Variants in TPO observed in about 807,000 individuals in gnomAD.
The protein encoded by TPO is thyroid peroxidase, also known as thyroid microsomal antigen.
A neutral mutation model predicts 96.9 loss-of-function variants in TPO; 78 were observed. The observed-to-expected ratio is 0.81, with a 90% confidence interval of 0.67 to 0.97. The LOEUF is 0.97. Among genes scored for constraint, TPO ranks in the 50% least tolerant of loss-of-function variants. TPO has a pLI of 0.00. For missense variants in TPO, 1,252 were observed against 1,274.8 expected (o/e 0.98, Z 0.27); for synonymous variants, 547 against 538.0 (o/e 1.02, Z -0.23).
At chr2:1,459,950 T>A (rs369755168) in intron 7 of TPO, among the ~76,000 whole-genome samples, 1 of 148,354 alleles carries the variant, frequency 6.7e-6, no homozygotes, top group Non-Finnish European at 1.5e-5. Context: ...TTCTTTCTTT[T>A]TTTTTTTTTT....
intron 7 of TPO, among the ~76,000 whole-genome samples, chr2:1,471,929 C>A (rs1382513454): frequency 6.7e-6 from 1 of 150,134 alleles, no homozygotes; most frequent in Non-Finnish European, 1.5e-5. Context: ...TGTGCCCTTC[C>A]CATGATCTGA....
chr2:1,534,527 ACTCTGTGCAACCTCCCCAAATCCCTAC>A lies in TPO; in HGVS notation c.2619-6065_2619-6039del, dbSNP rs1326753916. ...TGTGCAACTTCCCCAAATCCCTCCC[ACTCTGTGCAACCTCCCCAAATCCCTAC>A]CACTCTGTGCAACTTCCCCAAATCC... is the stretch of plus-strand genomic sequence containing the variant. On this transcript the variant is annotated intron_variant, in intron 15 of 16. Transcript: ENST00000329066. 6.2e-3 allele frequency among the ~76,000 whole-genome samples: 420 copies of A among 67,824 alleles called. 1 individual carries two copies. Among genetic ancestry groups the A allele is most frequent in the Middle Eastern group, 0.011 (1 of 88 alleles). 44.5% of individuals were successfully genotyped at this position (67,824 alleles called of 152,430 possible).
At chr2:1,509,414 C>G (rs184474703) in intron 14 of TPO, among the ~76,000 whole-genome samples, 2 of 150,592 alleles carry the variant, frequency 1.3e-5, no homozygotes, top group Non-Finnish European at 2.9e-5. Flanking sequence ...TTCAGGGACA[C>G]CACACCCTCT....
In TPO at chr2:1,432,742, G is replaced by T. The variant is rs547435138; in HGVS notation, c.180-696G>T. On this transcript the variant is annotated intron_variant, in intron 3 of 16. Coordinates refer to ENST00000329066, the MANE Select transcript of TPO (RefSeq NM_001206744.2). ...GGTAAGGAGAGGCCTGCAGGTGAGGGGAGGCCTGCAGGTGAGGAGAGGCCT... is the reference window on the plus strand; with the variant it reads ...GGTAAGGAGAGGCCTGCAGGTGAGGTGAGGCCTGCAGGTGAGGAGAGGCCT... Among the ~76,000 whole-genome samples, 2 of 108,346 alleles carry T rather than the reference G, an allele frequency of 1.8e-5. 1 individual carries two copies. The highest frequency in any genetic ancestry group is 3.6e-5 in the Non-Finnish European group (2 of 55,032). The allele number at this position is 108,346 out of a possible 152,430, so 71.1% of individuals were successfully genotyped here.
At position 1,540,684 on chromosome 2, in the gene TPO, G is replaced by C; in HGVS notation, c.2709G>C (p.Gly903=). 1 of 1,613,304 alleles carries C rather than the reference G, an allele frequency of 6.2e-7. No homozygotes were observed. Among genetic ancestry groups the C allele is most frequent in the Non-Finnish European group, 8.5e-7 (1 of 1,180,052 alleles). The part of the protein sequence containing the change: ...ELRCGKHQAV[G]TSPQRAAAQD... ...GATGCGGAAAGCACCAGGCCGTAGGGACCTCACCGCAGCGGGCCGCAGCTC... is the reference window on the plus strand; with the variant it reads ...GATGCGGAAAGCACCAGGCCGTAGGCACCTCACCGCAGCGGGCCGCAGCTC... The change falls in exon 16 of 17, where the codon GGG becomes GGC. Residue 903 remains glycine, a synonymous_variant. Coordinates refer to ENST00000329066, the MANE Select transcript of TPO (RefSeq NM_001206744.2).
At chr2:1,389,315 T>A (rs1661960819) in intron 1 of TPO, among the ~76,000 whole-genome samples, 1 of 152,168 alleles carries the variant, frequency 6.6e-6, no homozygotes, top group Non-Finnish European at 1.5e-5. Context: ...TTATTGATTT[T>A]CAGGACATTC....
At chr2:1,435,311 C>T (rs1241332144) in intron 4 of TPO, among the ~76,000 whole-genome samples, 1 of 152,196 alleles carries the variant, frequency 6.6e-6, no homozygotes, top group Non-Finnish European at 1.5e-5. Flanking sequence ...AGAATCTGTG[C>T]TCAGCTTTTT....
At chr2:1,448,893 C>T (rs1434367732) in intron 5 of TPO, among the ~76,000 whole-genome samples, 2 of 152,164 alleles carry the variant, frequency 1.3e-5, no homozygotes, top group East Asian at 1.9e-4. Context: ...AGACTCAAGC[C>T]GGGACTGGGT....
intron 14 of TPO, among the ~76,000 whole-genome samples, chr2:1,507,245 C>G (rs1338685523): frequency 6.6e-6 from 1 of 152,032 alleles, no homozygotes; most frequent in Non-Finnish European, 1.5e-5. Flanking sequence ...TGGTCTATAT[C>G]TCTGTTTTGG....
At chr2:1,476,685 G>A (rs766614136) in intron 7 of TPO, among the ~76,000 whole-genome samples, 2 of 152,366 alleles carry the variant, frequency 1.3e-5, no homozygotes, top group Middle Eastern at 3.4e-3. Context: ...GGCCAAGAGC[G>A]TCTGAGCTTT....
chr2:1,457,923 T>C (rs957769153), intron 7 of TPO, among the ~76,000 whole-genome samples: 7 of 151,774 alleles, frequency 4.6e-5, no homozygotes, highest in Non-Finnish European at 7.4e-5. Context: ...TGTGGGCACG[T>C]GTGTATATGG....
At chr2:1,409,405 T>C (rs1662293746), upstream of TPO, among the ~76,000 whole-genome samples, 1 of 152,228 alleles carries the variant, frequency 6.6e-6, no homozygotes, top group Non-Finnish European at 1.5e-5. Context: ...ATTTTTCAAA[T>C]TTTACAGGGG....
At chr2:1,378,938 G>T (rs1435566675) in intron 1 of TPO, among the ~76,000 whole-genome samples, 1 of 152,192 alleles carries the variant, frequency 6.6e-6, no homozygotes, top group African/African-American at 2.4e-5. Context: ...CTGGCGAGGT[G>T]CACACCATTG....
chr2:1,475,191 A>AT (rs1459763565), intron 7 of TPO, among the ~76,000 whole-genome samples: 1 of 152,090 alleles, frequency 6.6e-6, no homozygotes, highest in Non-Finnish European at 1.5e-5. Context: ...TTTTATTATT[A>AT]TTTGTGCTCT....
intron 14 of TPO, among the ~76,000 whole-genome samples, chr2:1,507,511 C>T (rs1237956146): frequency 6.6e-6 from 1 of 152,178 alleles, no homozygotes; most frequent in African/African-American, 2.4e-5. Context: ...TCTTCCTACC[C>T]ATGAGCATGG....
At chr2:1,504,347 G>A (rs1673190779) in intron 14 of TPO, among the ~76,000 whole-genome samples, 2 of 152,144 alleles carry the variant, frequency 1.3e-5, no homozygotes, top group South Asian at 4.1e-4. Flanking sequence ...AAGGCCCACA[G>A]GTGTATACCC....
chr2:1,506,453 C>A (rs552624139), intron 14 of TPO, among the ~76,000 whole-genome samples: 1 of 152,248 alleles, frequency 6.6e-6, no homozygotes, highest in Admixed American at 6.5e-5. Context: ...CCTGAGGAAT[C>A]GCCACACTGC....
chr2:1,463,934 G>T (rs185609216), intron 7 of TPO, among the ~76,000 whole-genome samples: 15 of 152,296 alleles, frequency 9.8e-5, no homozygotes, highest in African/African-American at 3.6e-4. Context: ...GAGAACAGGT[G>T]GTGTTTGGTT....
intron 1 of TPO, among the ~76,000 whole-genome samples, chr2:1,384,644 A>G (rs1661859407): frequency 1.3e-5 from 2 of 152,170 alleles, no homozygotes; most frequent in South Asian, 4.1e-4. Flanking sequence ...ATATACAATC[A>G]TGTCATCTGC....
Sources: allele counts gnomAD v4.1 joint callset (sites outside exome capture counted in the v4.1 genomes callset), GRCh38; gene constraint gnomAD v4.1.1; transcripts MANE v1.5; gene names NCBI Gene and HGNC (gene_info 2026-07-23, HGNC 2026-07-21).